Variants in DSG1 observed in about 807,000 individuals in gnomAD.
DSG1 encodes the protein desmoglein 1, also known as desmoglein-1.
Under a neutral mutation model 97.5 loss-of-function variants are expected in DSG1, and 39 were observed. The ratio of observed to expected loss-of-function variants is 0.40; its 90% CI spans 0.31 to 0.52. DSG1 has a LOEUF of 0.52. DSG1 is among the 20% of genes least tolerant of loss of function. The pLI is 0.53. For synonymous variants in DSG1, 475 were observed against 443.4 expected, an observed-to-expected ratio of 1.07 and a Z score of -0.90; for missense variants, 1,311 against 1,295.4, an observed-to-expected ratio of 1.01 and a Z score of -0.18.
intron 8 of DSG1, 48 bp from the exon 9 acceptor site, chr18:31,336,306 A>G: frequency 6.4e-7 from 1 of 1,555,138 alleles, no homozygotes; most frequent in Non-Finnish European, 8.7e-7. Flanking sequence ...TTTCACCTGG[A>G]ACGTTTTATT....
At chr18:31,346,305 T>C in intron 14 of DSG1, 107 bp downstream of exon 14, 1 of 915,662 alleles carries the variant, frequency 1.1e-6, no homozygotes, top group Non-Finnish European at 1.8e-6. Context: ...CCTAACTAGA[T>C]TCTCAGCCTT....
At position 31,356,224 on chromosome 18, in the gene DSG1, G is replaced by C. The variant is rs1317669177; in HGVS notation, c.*878G>C. 8 of 152,198 alleles carry C rather than the reference G, an allele frequency of 5.3e-5. No individual in the cohort carries two copies. Among genetic ancestry groups the C allele is most frequent in the Non-Finnish European group, 1.2e-4 (8 of 68,036 alleles). The allele number at this position is 152,198 out of a possible 1,614,324, so 9.4% of individuals were successfully genotyped here. A position where few individuals can be genotyped will look rare whatever the true frequency, so the allele number is the denominator to read the frequency against. On this transcript the variant is annotated 3_prime_UTR_variant, in exon 15 of 15. Coordinates refer to ENST00000257192, the MANE Select transcript of DSG1 (RefSeq NM_001942.4). ...ATTGAAGCAAGTGAGGCCTGACATG[G>C]TTGTCATCACTAGTGGCAAATGACC...
In DSG1 at chr18:31,355,157, G is replaced by A. The variant is rs200061095; in HGVS notation, c.2961G>A (p.Gly987=). 6.2e-7 allele frequency: 1 copy of A among 1,609,214 alleles called. No homozygotes were observed. Among genetic ancestry groups the A allele is most frequent in the Non-Finnish European group, 8.5e-7 (1 of 1,176,878 alleles). Residue 987 remains glycine, a synonymous_variant, in exon 15 of 15, where the codon GGG becomes GGA. Coordinates refer to ENST00000257192, the MANE Select transcript of DSG1 (RefSeq NM_001942.4). ...SGLVGTSMGA[G]SGALSGAGIS... is the part of the protein sequence containing the mutation. ...TGGTTGGCACCAGCATGGGTGCTGG[G>A]AGCGGTGCCCTGAGTGGAGCTGGCA...
intron 1 of DSG1, among the ~76,000 whole-genome samples, chr18:31,318,720 TG>T (rs938395848): frequency 5.8e-5 from 7 of 119,736 alleles, no homozygotes; most frequent in East Asian, 3.9e-4. Flanking sequence ...ATTTTTAACC[TG>T]TTTTTTTTTT....
intron 10 of DSG1, among the ~76,000 whole-genome samples, chr18:31,339,208 G>T (rs2071773276): frequency 6.6e-6 from 1 of 151,952 alleles, no homozygotes; most frequent in African/African-American, 2.4e-5. Context: ...TGGTCCATTT[G>T]ATATAAAATT....
intron 14 of DSG1, among the ~76,000 whole-genome samples, chr18:31,351,500 C>A (rs1403549777): frequency 6.6e-6 from 1 of 151,432 alleles, no homozygotes; most frequent in Non-Finnish European, 1.5e-5. Context: ...TGGTGCAGAG[C>A]TGAGTTCAAT....
intron 13 of DSG1, 66 bp from the exon 14 acceptor site, chr18:31,345,924 C>T: frequency 7.8e-7 from 1 of 1,283,234 alleles, no homozygotes; most frequent in Non-Finnish European, 1.1e-6. Flanking sequence ...TATTACAAGG[C>T]AAGTTGTTAC....
chr18:31,347,969 T>C (rs974431041), intron 14 of DSG1: 1 of 150,902 alleles, frequency 6.6e-6, no homozygotes, highest in African/African-American at 2.5e-5. Flanking sequence ...ATTCATGTGA[T>C]TTTTTTTTAT....
Position 31,334,129 on chromosome 18 carries a change from C to T in DSG1, c.932C>T (p.Ser311Phe). Residue 311 changes from serine (S) to phenylalanine (F), a missense_variant, in exon 8 of 15, where the codon TCT becomes TTT. Ser to Phe is a radical substitution (Grantham distance 155, BLOSUM62 -2). Coordinates refer to ENST00000257192, the MANE Select transcript of DSG1 (RefSeq NM_001942.4). ...ANWMAVIFFISGNEGNWFEIE... is the reference protein window; with the variant it reads ...ANWMAVIFFIFGNEGNWFEIE... ...TGGATGGCAGTAATTTTCTTTATCT[C>T]TGGAAATGAAGGAAATTGGTTTGAG... 1 of 1,610,362 alleles carries T rather than the reference C, an allele frequency of 6.2e-7. No homozygotes were observed. The highest frequency in any genetic ancestry group is 2.2e-5 in the East Asian group (1 of 44,702).
chr18:31,318,808 G>A (rs977886734), intron 1 of DSG1, among the ~76,000 whole-genome samples: 1 of 151,566 alleles, frequency 6.6e-6, no homozygotes, highest in East Asian at 1.9e-4. Context: ...ATTTAAAATC[G>A]TAGCAGTTTG....
At chr18:31,347,140 G>T (rs1229227192) in intron 14 of DSG1, among the ~76,000 whole-genome samples, 1 of 152,138 alleles carries the variant, frequency 6.6e-6, no homozygotes, top group African/African-American at 2.4e-5. Flanking sequence ...CTAACCTAGT[G>T]GTTGGTTTAA....
At chr18:31,324,719 C>T (rs543647151) in intron 1 of DSG1, among the ~76,000 whole-genome samples, 1 of 152,166 alleles carries the variant, frequency 6.6e-6, no homozygotes, top group Non-Finnish European at 1.5e-5. Context: ...CCATCCATTC[C>T]CTCTGTCTCT....
chr18:31,353,514 G>T (rs369010261), intron 14 of DSG1, among the ~76,000 whole-genome samples: 1 of 152,176 alleles, frequency 6.6e-6, no homozygotes, highest in South Asian at 2.1e-4. Context: ...CGAGCTTCCT[G>T]TCTGCTTTGT....
chr18:31,350,232 G>T (rs2071883036), intron 14 of DSG1, among the ~76,000 whole-genome samples: 1 of 134,306 alleles, frequency 7.4e-6, no homozygotes, highest in Non-Finnish European at 1.6e-5. Context: ...TAATCATGTG[G>T]TTTTTGTCTT....
At chr18:31,320,323 G>A (rs1014670608) in intron 1 of DSG1, among the ~76,000 whole-genome samples, 1 of 151,744 alleles carries the variant, frequency 6.6e-6, no homozygotes, top group Non-Finnish European at 1.5e-5. Flanking sequence ...CTTTATATTC[G>A]TCTCTACTCA....
intron 13 of DSG1, chr18:31,345,224 C>G (rs888045513): frequency 4.6e-5 from 7 of 152,104 alleles, no homozygotes; most frequent in Non-Finnish European, 1.0e-4. Context: ...CAGACTGTTC[C>G]CAAACTCAAG....
In DSG1 at chr18:31,326,973, G is replaced by A; in HGVS notation, c.184G>A (p.Glu62Lys). Residue 62 changes from glutamate to lysine, a missense_variant, in exon 3 of 15, where the codon GAA (glutamate) becomes AAA (lysine). Physicochemically the swap from Glu to Lys is moderately conservative, Grantham distance 56. This residue lies in a region of DSG1 where 259 missense variants were observed against 304.1 expected (regional missense o/e 0.85). Coordinates refer to ENST00000257192, the MANE Select transcript of DSG1 (RefSeq NM_001942.4). ...GTTCGCAGCAGCCTGTCGTGAAGGT[G>A]AAGACAACTCAAAGAGGAACCCAAT... ...IKFAAACREGEDNSKRNPIAK... is the reference protein window; with the variant it reads ...IKFAAACREGKDNSKRNPIAK... 1 of 1,613,844 alleles carries A rather than the reference G, an allele frequency of 6.2e-7. No individual in the cohort carries two copies. Among genetic ancestry groups the A allele is most frequent in the East Asian group, 2.2e-5 (1 of 44,882 alleles).
In DSG1 at chr18:31,328,350, T is replaced by C. The variant is rs1224872933; in HGVS notation, c.372+6T>C. The C allele has an allele frequency of 6.2e-7, 1 of 1,610,830 alleles. No homozygotes were observed. The highest frequency in any genetic ancestry group is 1.7e-5 in the Admixed American group (1 of 59,972). The stretch of plus-strand genomic sequence containing the variant: ...AGGTCACTCCTTTCTTCATTGTAAG[T>C]GGACTTCATGTCAATATATATGTTC... On this transcript the variant is annotated splice_donor_region_variant and intron_variant, in intron 4 of 14. Transcript: ENST00000257192.
At chr18:31,322,057 A>G (rs541965882) in intron 1 of DSG1, among the ~76,000 whole-genome samples, 11 of 152,366 alleles carry the variant, frequency 7.2e-5, no homozygotes, top group Admixed American at 7.2e-4. Context: ...TTTAAATGCC[A>G]TTGGCTGCTG....
Sources: allele counts gnomAD v4.1 joint callset (sites outside exome capture counted in the v4.1 genomes callset), GRCh38; gene constraint gnomAD v4.1.1; regional missense constraint gnomAD v4.1.1; transcripts MANE v1.5; gene names NCBI Gene and HGNC (gene_info 2026-07-23, HGNC 2026-07-21).